GPC5: variants seen among roughly 807,000 people sequenced by gnomAD.
GPC5 encodes the protein glypican-5.
In GPC5, 47 loss-of-function variants were observed where a neutral mutation model predicts 53.9. The ratio of observed to expected loss-of-function variants is 0.87; its 90% CI spans 0.69 to 1.11. GPC5 has a LOEUF of 1.11. Among genes scored for constraint, GPC5 ranks in the 50% most tolerant of loss-of-function variants. The pLI, the probability that GPC5 is intolerant of heterozygous loss-of-function variation, is 0.00. For missense variants in GPC5, 748 were observed against 713.1 expected (o/e 1.05, Z -0.56); for synonymous variants, 286 against 263.3 (o/e 1.09, Z -0.84).
At chr13:91,609,988 A>G (rs1202326997) in intron 2 of GPC5, among the ~76,000 whole-genome samples, 1 of 152,178 alleles carries the variant, frequency 6.6e-6, no homozygotes, top group Non-Finnish European at 1.5e-5. Context: ...ATATGGAATC[A>G]ATTCATTTGC....
intron 7 of GPC5, among the ~76,000 whole-genome samples, chr13:92,820,096 C>T (rs149816945): frequency 6.5e-4 from 99 of 152,220 alleles, no homozygotes; most frequent in African/African-American, 2.3e-3. Flanking sequence ...CCCACCCAAC[C>T]CAATTTCAAT....
chr13:91,468,419 A>G (rs761133244), intron 2 of GPC5, among the ~76,000 whole-genome samples: 1 of 152,154 alleles, frequency 6.6e-6, no homozygotes, highest in Non-Finnish European at 1.5e-5. Flanking sequence ...AGTTAAAATG[A>G]GGTCATTAGA....
At chr13:91,970,228 TATAGAA>T (rs1240179221) in intron 6 of GPC5, among the ~76,000 whole-genome samples, 1 of 152,118 alleles carries the variant, frequency 6.6e-6, no homozygotes, top group Non-Finnish European at 1.5e-5. Context: ...AAGGTGAACT[TATAGAA>T]ATAGAAGTAG....
rs201261457 is a variant in GPC5, at chr13:92,225,132, C to A, written c.1561+80143C>A. ...TTTTCAGTGCTTGGCCAGGATGAAA[C>A]CTTGCTCAAGATGATCCCTGATTTC... On this transcript the variant is annotated intron_variant, in intron 7 of 7. Coordinates refer to ENST00000377067, the MANE Select transcript of GPC5 (RefSeq NM_004466.6). Among the ~76,000 whole-genome samples the A allele has an allele frequency of 3.3e-5, 5 of 152,232 alleles. No individual in the cohort carries two copies. The East Asian group carries it at 9.7e-4, about 29-fold the overall frequency.
At chr13:91,551,517 C>T (rs2030636193) in intron 2 of GPC5, among the ~76,000 whole-genome samples, 1 of 151,854 alleles carries the variant, frequency 6.6e-6, no homozygotes, top group Admixed American at 6.6e-5. Context: ...CTTGGAATAG[C>T]GAATTCCATG....
intron 7 of GPC5, among the ~76,000 whole-genome samples, chr13:92,336,570 A>T (rs2043324832): frequency 6.6e-6 from 1 of 152,122 alleles, no homozygotes; most frequent in Non-Finnish European, 1.5e-5. Context: ...TAGAGATGGA[A>T]TTTTTGTTTA....
chr13:91,435,395 AG>A (rs1279525283), intron 1 of GPC5, among the ~76,000 whole-genome samples: 8 of 152,268 alleles, frequency 5.3e-5, no homozygotes, highest in Admixed American at 4.6e-4. Context: ...TTTAGCATGA[AG>A]GGTTGTTGAA....
chr13:92,702,417 A>G (rs1887783271), intron 7 of GPC5, among the ~76,000 whole-genome samples: 1 of 152,052 alleles, frequency 6.6e-6, no homozygotes, highest in Admixed American at 6.6e-5. Context: ...CCCCCTCCCC[A>G]AAGCTCTGCT....
chr13:91,658,086 A>G (rs868689083), intron 2 of GPC5, among the ~76,000 whole-genome samples: 1 of 152,124 alleles, frequency 6.6e-6, no homozygotes, highest in African/African-American at 2.4e-5. Context: ...ACATATAAAT[A>G]CATATTAAAA....
At position 92,294,817 on chromosome 13, in the gene GPC5, T is replaced by C. The variant is rs74966039; in HGVS notation, c.1561+149828T>C. The stretch of plus-strand genomic sequence containing the variant: ...ATCTGTTTGTGCTGTTTCTTTCTTT[T>C]TTTTTTTTCTTTTTTTTTTTTTTTT... On this transcript the variant is annotated intron_variant, in intron 7 of 7. Coordinates refer to ENST00000377067, the MANE Select transcript of GPC5 (RefSeq NM_004466.6). Among the ~76,000 whole-genome samples, 366 of 117,050 alleles carry C rather than the reference T, an allele frequency of 3.1e-3. 2 individuals carry two copies. The highest frequency in any genetic ancestry group is 0.011 in the African/African-American group (339 of 31,456). 76.8% of individuals were successfully genotyped at this position (117,050 alleles called of 152,430 possible). A position where few individuals can be genotyped will look rare whatever the true frequency, so the allele number is the denominator to read the frequency against.
At chr13:91,681,181 C>G (rs1413029674) in intron 2 of GPC5, among the ~76,000 whole-genome samples, 1 of 151,852 alleles carries the variant, frequency 6.6e-6, no homozygotes, top group Admixed American at 6.6e-5. Context: ...GTTTTATTTG[C>G]CATTGTAAAA....
chr13:92,076,771 C>T (rs2138873687), intron 6 of GPC5, among the ~76,000 whole-genome samples: 1 of 152,240 alleles, frequency 6.6e-6, no homozygotes, highest in South Asian at 2.1e-4. Flanking sequence ...AATGGTCCTG[C>T]AAAGCTGTCC....
chr13:92,281,353 C>A (rs1343128526), intron 7 of GPC5, among the ~76,000 whole-genome samples: 1 of 152,172 alleles, frequency 6.6e-6, no homozygotes, highest in Non-Finnish European at 1.5e-5. Context: ...GCAACAGAAA[C>A]CTCTGCAGAA....
chr13:91,965,283 G>A (rs974957739), intron 6 of GPC5, among the ~76,000 whole-genome samples: 1 of 152,042 alleles, frequency 6.6e-6, no homozygotes, highest in Non-Finnish European at 1.5e-5. Context: ...CTCAATAATT[G>A]TTAGCTATTC....
At position 91,422,855 on chromosome 13, in the gene GPC5, T is replaced by A. The variant is rs941228721; in HGVS notation, c.163+23646T>A. On this transcript the variant is annotated intron_variant, in intron 1 of 7. Transcript: ENST00000377067. The stretch of plus-strand genomic sequence containing the variant: ...GTCCATTAATTCATTGACACCTTAA[T>A]CTATGAATACATTAATTTATTCATG... Among the ~76,000 whole-genome samples the A allele has an allele frequency of 2.0e-5, 3 of 152,140 alleles. No individual in the cohort carries two copies. The East Asian group carries it at 5.8e-4, about 29-fold the overall frequency.
intron 7 of GPC5, among the ~76,000 whole-genome samples, chr13:92,400,416 T>G (rs575706447): frequency 1.5e-4 from 23 of 152,310 alleles, no homozygotes; most frequent in African/African-American, 5.5e-4. Context: ...CCCAAGAACA[T>G]TGTATCTCAT....
At chr13:92,737,498 A>C (rs924072437) in intron 7 of GPC5, among the ~76,000 whole-genome samples, 4 of 152,114 alleles carry the variant, frequency 2.6e-5, no homozygotes, top group Non-Finnish European at 4.4e-5. Context: ...GAAATCAAGA[A>C]AACTGGAAAT....
intron 7 of GPC5, among the ~76,000 whole-genome samples, chr13:92,238,279 C>T (rs1012375479): frequency 1.3e-5 from 2 of 151,886 alleles, no homozygotes; most frequent in African/African-American, 4.8e-5. Context: ...CACTGCTGTA[C>T]AGAGTAGCTT....
At chr13:92,270,266 G>A (rs2042830974) in intron 7 of GPC5, among the ~76,000 whole-genome samples, 1 of 152,166 alleles carries the variant, frequency 6.6e-6, no homozygotes, top group Non-Finnish European at 1.5e-5. Flanking sequence ...CAAATCTCAT[G>A]TTGAATTGTA....
Sources: allele counts gnomAD v4.1 joint callset (sites outside exome capture counted in the v4.1 genomes callset), GRCh38; gene constraint gnomAD v4.1.1; transcripts MANE v1.5; gene names NCBI Gene and HGNC (gene_info 2026-07-23, HGNC 2026-07-21).